MEGF10: variants seen among roughly 807,000 people sequenced by gnomAD.
The protein encoded by MEGF10 is multiple epidermal growth factor-like domains protein 10.
Under a neutral mutation model 147.5 loss-of-function variants are expected in MEGF10, and 86 were observed. The observed-to-expected ratio is 0.58, with a 90% CI of 0.49 to 0.70. The LOEUF (loss-of-function observed/expected upper bound fraction) is 0.70, where lower values mean the gene tolerates loss of function less well. MEGF10 is among the 30% of genes least tolerant of loss of function. MEGF10 has a pLI of 0.00. For missense variants in MEGF10, 1,329 were observed against 1,487.3 expected (o/e 0.89, Z 1.75); for synonymous variants, 478 against 525.5 (o/e 0.91, Z 1.24).
intron 4 of MEGF10, among the ~76,000 whole-genome samples, chr5:127,364,230 T>C (rs1259412551): frequency 6.6e-6 from 1 of 152,186 alleles, no homozygotes; most frequent in Admixed American, 6.5e-5. Flanking sequence ...TTTTGAACAT[T>C]TTCATCATCT....
intron 12 of MEGF10, among the ~76,000 whole-genome samples, chr5:127,421,666 CTG>C (rs1765010432): frequency 6.6e-6 from 1 of 152,084 alleles, no homozygotes; most frequent in Non-Finnish European, 1.5e-5. Context: ...ATACTTAGGA[CTG>C]TGAGTCAGGA....
intron 4 of MEGF10, 59 bp from the exon 5 acceptor site, chr5:127,369,848 GTGT>G: frequency 7.5e-7 from 1 of 1,333,788 alleles, no homozygotes; most frequent in East Asian, 2.3e-5. Context: ...TGCAACAGCT[GTGT>G]TGTTGGCTTT....
chr5:127,410,009 A>G (rs1485445956), intron 8 of MEGF10: 1 of 175,984 alleles, frequency 5.7e-6, no homozygotes, highest in Non-Finnish European at 1.2e-5. Context: ...GTATGTTTTG[A>G]AATTTCATAA....
intron 1 of MEGF10, among the ~76,000 whole-genome samples, chr5:127,304,810 A>G (rs1759938820): frequency 6.6e-6 from 1 of 152,136 alleles, no homozygotes; most frequent in South Asian, 2.1e-4. Context: ...GTGTGTTCCT[A>G]TGAGTGTATT....
chr5:127,367,910 T>A (rs1389370289), intron 4 of MEGF10, among the ~76,000 whole-genome samples: 1 of 152,148 alleles, frequency 6.6e-6, no homozygotes, highest in African/African-American at 2.4e-5. Context: ...ATGCTGCCAT[T>A]TAACACAGTG....
At chr5:127,247,466 A>G in the MEGF10 span, among the ~76,000 whole-genome samples, 6 of 144,934 alleles carry the variant, frequency 4.1e-5, no homozygotes, top group Non-Finnish European at 7.6e-5. Context: ...AAGAAGAAGA[A>G]GAAGAAGAAG....
At chr5:127,347,524 G>A (rs1163949002) in intron 4 of MEGF10, among the ~76,000 whole-genome samples, 1 of 152,010 alleles carries the variant, frequency 6.6e-6, no homozygotes, top group African/African-American at 2.4e-5. Flanking sequence ...AGGAACTATA[G>A]TTATGTTAGG....
chr5:127,260,021 G>T, the MEGF10 span, among the ~76,000 whole-genome samples: 3 of 152,006 alleles, frequency 2.0e-5, no homozygotes, highest in Admixed American at 6.6e-5. Context: ...GCCAGGCATG[G>T]TGGTGTGTGC....
At chr5:127,420,319 T>C in intron 12 of MEGF10, 112 bp downstream of exon 12, 1 of 1,171,422 alleles carries the variant, frequency 8.5e-7, no homozygotes, top group Non-Finnish European at 1.2e-6. Context: ...GAACCCAACT[T>C]CGGTAACTAC....
intron 4 of MEGF10, among the ~76,000 whole-genome samples, chr5:127,343,155 G>A (rs1761747932): frequency 6.6e-6 from 1 of 152,102 alleles, no homozygotes; most frequent in South Asian, 2.1e-4. Context: ...TTTGCTGCCA[G>A]ACAGATAACA....
the MEGF10 span, among the ~76,000 whole-genome samples, chr5:127,261,990 T>A: frequency 1.3e-5 from 2 of 152,202 alleles, no homozygotes; most frequent in African/African-American, 4.8e-5. Context: ...ATAATACTTT[T>A]TTATGTGTTC....
intron 12 of MEGF10, among the ~76,000 whole-genome samples, chr5:127,421,622 C>A (rs1242502844): frequency 6.6e-6 from 1 of 152,106 alleles, no homozygotes; most frequent in African/African-American, 2.4e-5. Context: ...TATAAAAGAT[C>A]TGGAAGGGGA....
At chr5:127,433,997 G>A (rs1765473252) in intron 14 of MEGF10, among the ~76,000 whole-genome samples, 2 of 152,180 alleles carry the variant, frequency 1.3e-5, no homozygotes, top group Non-Finnish European at 2.9e-5. Flanking sequence ...GTTGACATTG[G>A]TCCTTAAGAC....
chr5:127,396,971 C>T (rs1319416484), intron 6 of MEGF10, among the ~76,000 whole-genome samples, 193 bp downstream of exon 6: 2 of 152,226 alleles, frequency 1.3e-5, no homozygotes, highest in African/African-American at 4.8e-5. Flanking sequence ...GGCCCTTGCA[C>T]ATCAGATCCC....
chr5:127,246,079 A>T, the MEGF10 span, among the ~76,000 whole-genome samples: 4 of 152,196 alleles, frequency 2.6e-5, no homozygotes, highest in Non-Finnish European at 5.9e-5. Flanking sequence ...CAGAAATACC[A>T]TTTGACCCAG....
intron 4 of MEGF10, among the ~76,000 whole-genome samples, chr5:127,354,344 T>C (rs1421564438): frequency 6.6e-6 from 1 of 152,184 alleles, no homozygotes; most frequent in Non-Finnish European, 1.5e-5. Context: ...ACAATAACTG[T>C]TTGCCATATA....
intron 4 of MEGF10, among the ~76,000 whole-genome samples, chr5:127,364,564 C>A (rs1378203281): frequency 6.6e-6 from 1 of 152,144 alleles, no homozygotes; most frequent in Non-Finnish European, 1.5e-5. Context: ...AAGAGAATTC[C>A]CTTTCCTTTT....
At chr5:127,393,702 A>T (rs2068168) in intron 5 of MEGF10, among the ~76,000 whole-genome samples, 2 of 152,078 alleles carry the variant, frequency 1.3e-5, no homozygotes, top group Non-Finnish European at 2.9e-5. Flanking sequence ...GAAATTAACC[A>T]TGTCAGCATG....
chr5:127,333,131 G>T (rs1035432959), intron 2 of MEGF10, among the ~76,000 whole-genome samples: 3 of 152,100 alleles, frequency 2.0e-5, no homozygotes, highest in Non-Finnish European at 4.4e-5. Flanking sequence ...TAAAATATGG[G>T]CCTGGAAGTA....
Sources: allele counts gnomAD v4.1 joint callset (sites outside exome capture counted in the v4.1 genomes callset), GRCh38; gene constraint gnomAD v4.1.1; transcripts MANE v1.5; gene names NCBI Gene and HGNC (gene_info 2026-07-23, HGNC 2026-07-21).